Variants in PCDH15 observed in about 807,000 individuals in gnomAD.
PCDH15 encodes the protein protocadherin-15.
Under a neutral mutation model 178.5 loss-of-function variants are expected in PCDH15, and 129 were observed. That is an observed-to-expected ratio of 0.72 (90% CI 0.63 to 0.84). The LOEUF (loss-of-function observed/expected upper bound fraction) is 0.84. Among genes scored for constraint, PCDH15 ranks in the 40% least tolerant of loss-of-function variants. PCDH15 has a pLI of 0.00. For missense variants in PCDH15, 2,230 were observed against 2,099.9 expected (o/e 1.06, Z -1.21); for synonymous variants, 800 against 732.0 (o/e 1.09, Z -1.50).
intron 2 of PCDH15, among the ~76,000 whole-genome samples, chr10:54,660,533 A>G (rs1488563237): frequency 6.6e-6 from 1 of 152,136 alleles, no homozygotes; most frequent in African/African-American, 2.4e-5. Context: ...TTTACCAGAC[A>G]TAGAAAGAGC....
intron 2 of PCDH15, among the ~76,000 whole-genome samples, chr10:55,420,915 T>G (rs7916325): frequency 0.27 from 41,009 of 151,508 alleles, 6,783 homozygotes; most frequent in African/African-American, 0.47. Context: ...ATAAATTAAA[T>G]GATTATCTGC....
chr10:55,383,224 C>A (rs1186328910), intron 2 of PCDH15, among the ~76,000 whole-genome samples: 1 of 152,074 alleles, frequency 6.6e-6, no homozygotes, highest in Admixed American at 6.6e-5. Context: ...CAAAGTCATG[C>A]CATCTAAAGT....
intron 1 of PCDH15, among the ~76,000 whole-genome samples, chr10:54,715,285 G>T (rs2095466951): frequency 6.6e-6 from 1 of 152,106 alleles, no homozygotes; most frequent in East Asian, 1.9e-4. Context: ...TTAAGGGAAG[G>T]TGGAGGCATA....
chr10:54,442,414 C>CTTTTTATATA (rs1491511066), intron 3 of PCDH15, among the ~76,000 whole-genome samples: 64 of 19,180 alleles, frequency 3.3e-3, no homozygotes, highest in African/African-American at 0.012. Flanking sequence ...GCCTTAAAGG[C>CTTTTTATATA]TATATATATA....
At chr10:55,571,504 G>C (rs1418271639) in intron 2 of PCDH15, among the ~76,000 whole-genome samples, 1 of 151,916 alleles carries the variant, frequency 6.6e-6, no homozygotes, top group Non-Finnish European at 1.5e-5. Context: ...TTATTAATAG[G>C]TAATAATTTA....
At chr10:55,167,795 A>C (rs151259690) in intron 1 of PCDH15, among the ~76,000 whole-genome samples, 2,641 of 152,256 alleles carry the variant, frequency 0.017, 35 homozygotes, top group Middle Eastern at 0.083. Flanking sequence ...TCTTACAACC[A>C]AAGTTTGGTT....
chr10:55,184,102 G>A (rs2132137725), intron 1 of PCDH15, among the ~76,000 whole-genome samples: 1 of 152,052 alleles, frequency 6.6e-6, no homozygotes, highest in South Asian at 2.1e-4. Flanking sequence ...GTAAAAGGCA[G>A]TGGTGGGAGA....
chr10:55,557,964 C>G (rs1842124019), intron 2 of PCDH15, among the ~76,000 whole-genome samples: 1 of 152,070 alleles, frequency 6.6e-6, no homozygotes, highest in African/African-American at 2.4e-5. Context: ...GTTATGAAGA[C>G]TCTTTAATCT....
chr10:55,297,404 C>T lies in PCDH15; in HGVS notation c.-156+22195G>A, dbSNP rs114431437. Among the ~76,000 whole-genome samples the T allele has an allele frequency of 9.7e-3, 1,471 of 152,158 alleles. 24 individuals are homozygous for T. The highest frequency in any genetic ancestry group is 0.032 in the African/African-American group (1,341 of 41,544). Reference sequence around the variant, plus strand: ...ATCAGTCTTAATTGAATTCACAGAACCATGTCACTGATTTTCCTTTTCTCT... The same window carrying T: ...ATCAGTCTTAATTGAATTCACAGAATCATGTCACTGATTTTCCTTTTCTCT... On this transcript the variant is annotated intron_variant, in intron 1 of 5. Transcript: ENST00000458638.
At chr10:55,299,862 T>C (rs540384610) in intron 1 of PCDH15, among the ~76,000 whole-genome samples, 1 of 152,284 alleles carries the variant, frequency 6.6e-6, no homozygotes, top group Non-Finnish European at 1.5e-5. Flanking sequence ...CTAATTACAC[T>C]GGTCATACTA....
At chr10:54,996,236 A>G (rs1484043552) in intron 2 of PCDH15, among the ~76,000 whole-genome samples, 4 of 152,078 alleles carry the variant, frequency 2.6e-5, no homozygotes, top group East Asian at 1.9e-4. Context: ...TCTGGCCCCA[A>G]CCACACTTCT....
At chr10:54,721,735 C>A (rs998273599) in intron 1 of PCDH15, among the ~76,000 whole-genome samples, 10 of 151,656 alleles carry the variant, frequency 6.6e-5, no homozygotes, top group Non-Finnish European at 1.2e-4. Context: ...CAAACATCTA[C>A]CAACAACAAA....
chr10:54,295,373 G>T (rs992637296), intron 8 of PCDH15, among the ~76,000 whole-genome samples: 3 of 152,182 alleles, frequency 2.0e-5, no homozygotes, highest in South Asian at 2.1e-4. Context: ...CCAAATAAGG[G>T]AATAAAAGCT....
chr10:54,715,864 C>T (rs777280347), intron 1 of PCDH15, among the ~76,000 whole-genome samples: 2 of 152,146 alleles, frequency 1.3e-5, no homozygotes, highest in Non-Finnish European at 2.9e-5. Flanking sequence ...ATTTGACACA[C>T]ACATTCTCTT....
intron 8 of PCDH15, among the ~76,000 whole-genome samples, chr10:54,294,851 T>C (rs2059645226): frequency 6.6e-6 from 1 of 152,222 alleles, no homozygotes; most frequent in African/African-American, 2.4e-5. Context: ...TGGTATGCCA[T>C]CATTTCATAA....
chr10:55,088,154 T>C (rs1842223551), intron 2 of PCDH15, among the ~76,000 whole-genome samples: 1 of 152,106 alleles, frequency 6.6e-6, no homozygotes, highest in African/African-American at 2.4e-5. Context: ...TCATATGAAA[T>C]TGACCAAAAT....
chr10:54,176,366 A>G (rs1025168481), intron 13 of PCDH15, among the ~76,000 whole-genome samples: 5 of 152,172 alleles, frequency 3.3e-5, no homozygotes, highest in African/African-American at 1.2e-4. Flanking sequence ...ATTAATTTTG[A>G]CTTGCTAGGA....
At chr10:54,159,824 C>A (rs1352608690) in intron 13 of PCDH15, among the ~76,000 whole-genome samples, 1 of 152,054 alleles carries the variant, frequency 6.6e-6, no homozygotes, top group Non-Finnish European at 1.5e-5. Flanking sequence ...ATATTTCCAT[C>A]AAGAGAGGAC....
At chr10:55,418,534 T>C (rs1838540449) in intron 2 of PCDH15, among the ~76,000 whole-genome samples, 1 of 151,614 alleles carries the variant, frequency 6.6e-6, no homozygotes, top group East Asian at 1.9e-4. Context: ...TGTAAGAAAA[T>C]GTATGCTGGA....
Sources: gnomAD v4.1 joint callset for allele counts (sites outside exome capture counted in the v4.1 genomes callset) on GRCh38, gnomAD v4.1.1 for gene constraint, MANE v1.5 for transcripts, NCBI Gene and HGNC (gene_info 2026-07-23, HGNC 2026-07-21) for gene names.